Variants in GATAD2B observed in about 807,000 individuals in gnomAD.
The protein encoded by GATAD2B is transcriptional repressor p66-beta.
Under a neutral mutation model 64.3 loss-of-function variants are expected in GATAD2B, and 8 were observed. The ratio of observed to expected loss-of-function variants is 0.12; its 90% CI spans 0.07 to 0.22. GATAD2B has a LOEUF of 0.22. Among genes scored for constraint, GATAD2B ranks in the 10% least tolerant of loss-of-function variants. GATAD2B has a pLI of 1.00. For synonymous variants in GATAD2B, 281 were observed against 271.3 expected (o/e 1.04, Z -0.35); for missense variants, 453 against 752.0 (o/e 0.60, Z 4.65).
At chr1:153,909,947 CAAAAAA>C (rs34780134) in intron 1 of GATAD2B, among the ~76,000 whole-genome samples, 3 of 101,108 alleles carry the variant, frequency 3.0e-5, no homozygotes, top group Non-Finnish European at 5.9e-5. Context: ...GACTCCATCT[CAAAAAA>C]AAAAAAAAAA....
At chr1:153,830,708 C>G (rs1280552528) in intron 1 of GATAD2B, among the ~76,000 whole-genome samples, 1 of 151,482 alleles carries the variant, frequency 6.6e-6, no homozygotes, top group African/African-American at 2.4e-5. Flanking sequence ...ATCTCCTGAC[C>G]TCGTGATCCG....
intron 1 of GATAD2B, among the ~76,000 whole-genome samples, chr1:153,835,711 CTTTTA>C (rs1675237818): frequency 6.6e-6 from 1 of 151,946 alleles, no homozygotes; most frequent in African/African-American, 2.4e-5. Context: ...GTAAACATAA[CTTTTA>C]TTTTATTATT....
At chr1:153,897,057 G>A (rs1022198293) in intron 1 of GATAD2B, among the ~76,000 whole-genome samples, 1 of 149,716 alleles carries the variant, frequency 6.7e-6, no homozygotes, top group Non-Finnish European at 1.5e-5. Context: ...TTGAGATGGA[G>A]TGTTGCTGTC....
intron 1 of GATAD2B, among the ~76,000 whole-genome samples, chr1:153,915,217 G>C (rs1244533065): frequency 6.6e-6 from 1 of 152,128 alleles, no homozygotes; most frequent in Non-Finnish European, 1.5e-5. Context: ...ACAAGGTCAA[G>C]AGATCAAGAC....
chr1:153,885,030 T>C (rs1023594527), intron 1 of GATAD2B, among the ~76,000 whole-genome samples: 1 of 152,134 alleles, frequency 6.6e-6, no homozygotes, highest in African/African-American at 2.4e-5. Flanking sequence ...GTGCTGAGAT[T>C]ACAGGTGTGA....
At chr1:153,891,574 T>TAA (rs1163572311) in intron 1 of GATAD2B, among the ~76,000 whole-genome samples, 1,719 of 19,926 alleles carry the variant, frequency 0.086, 200 homozygotes, top group East Asian at 0.23. Context: ...CTGTCTCGTT[T>TAA]AAAAAAAAAA....
At chr1:153,889,738 G>C (rs1677310807) in intron 1 of GATAD2B, 5 of 413,412 alleles carry the variant, frequency 1.2e-5, no homozygotes, top group Non-Finnish European at 1.6e-5. Flanking sequence ...GTAAAGAATA[G>C]CAAAATGTTA....
At chr1:153,913,956 T>C (rs1208686903) in intron 1 of GATAD2B, among the ~76,000 whole-genome samples, 12 of 148,416 alleles carry the variant, frequency 8.1e-5, no homozygotes, top group Middle Eastern at 3.2e-3. Flanking sequence ...AGTCAAGAGT[T>C]ACAAGGGGCC....
At chr1:153,854,030 C>T (rs1675997547) in intron 1 of GATAD2B, among the ~76,000 whole-genome samples, 1 of 152,092 alleles carries the variant, frequency 6.6e-6, no homozygotes, top group Non-Finnish European at 1.5e-5. Flanking sequence ...GAGTATGAAC[C>T]TTCAAGGCTC....
chr1:153,902,644 T>TG (rs952283392), intron 1 of GATAD2B, among the ~76,000 whole-genome samples: 1 of 151,982 alleles, frequency 6.6e-6, no homozygotes, highest in African/African-American at 2.4e-5. Context: ...TTTTTGTAAA[T>TG]GGGGTCTCAC....
Position 153,818,689 on chromosome 1 carries a change from A to G in GATAD2B, c.597+102T>C, listed in dbSNP as rs557118754. 2,157 of 1,024,180 alleles carry G rather than the reference A, an allele frequency of 2.1e-3. 43 individuals are homozygous for G. The African/African-American group carries it at 0.031, about 15-fold the overall frequency. 63.4% of individuals were successfully genotyped at this position (1,024,180 alleles called of 1,614,324 possible). A position where few individuals can be genotyped will look rare whatever the true frequency, so the allele number is the denominator to read the frequency against. On this transcript the variant is annotated intron_variant, in intron 4 of 10. Transcript: ENST00000368655. ...CTACAGACTAAAAAACTACGGACCCAGAGAAGAAATGAGCCACCCAACTGA... is the reference window on the plus strand; with the variant it reads ...CTACAGACTAAAAAACTACGGACCCGGAGAAGAAATGAGCCACCCAACTGA...
At chr1:153,899,229 G>A (rs1245224096) in intron 1 of GATAD2B, among the ~76,000 whole-genome samples, 1 of 152,140 alleles carries the variant, frequency 6.6e-6, no homozygotes, top group South Asian at 2.1e-4. Context: ...CTGCATTCCA[G>A]CCTGGGCAAC....
intron 4 of GATAD2B, 134 bp downstream of exon 4, chr1:153,818,657 A>C (rs902792899): frequency 1.5e-5 from 11 of 713,210 alleles, no homozygotes; most frequent in Middle Eastern, 2.6e-4. Flanking sequence ...AAAAAAAATC[A>C]CTACTACTAC....
chr1:153,830,758 A>G (rs986010689), intron 1 of GATAD2B, among the ~76,000 whole-genome samples: 143 of 152,080 alleles, frequency 9.4e-4, no homozygotes, highest in Non-Finnish European at 1.0e-3. Context: ...TACAGGCGTG[A>G]GCCACCGCGC....
intron 1 of GATAD2B, among the ~76,000 whole-genome samples, chr1:153,870,899 A>G (rs1557814756): frequency 2.0e-5 from 3 of 152,120 alleles, no homozygotes; most frequent in African/African-American, 7.2e-5. Flanking sequence ...TTTCATACTG[A>G]TACTAGAGAG....
At chr1:153,840,319 G>A (rs1174885225) in intron 1 of GATAD2B, among the ~76,000 whole-genome samples, 1 of 149,732 alleles carries the variant, frequency 6.7e-6, no homozygotes, top group African/African-American at 2.5e-5. Flanking sequence ...ACAGGCATGA[G>A]CCACTGCGCC....
chr1:153,827,198 G>A (rs1482058770), intron 2 of GATAD2B, among the ~76,000 whole-genome samples: 2 of 149,090 alleles, frequency 1.3e-5, no homozygotes, highest in Non-Finnish European at 3.0e-5. Context: ...CAGGGTATCA[G>A]GCCACTCACT....
intron 1 of GATAD2B, among the ~76,000 whole-genome samples, chr1:153,861,781 C>CAA (rs869141712): frequency 0.086 from 7,377 of 85,540 alleles, 641 homozygotes; most frequent in Non-Finnish European, 0.12. Context: ...GACTCCATTT[C>CAA]AAAAAAAAAA....
chr1:153,811,312 G>C (rs1674285188), intron 10 of GATAD2B, among the ~76,000 whole-genome samples: 1 of 152,206 alleles, frequency 6.6e-6, no homozygotes, highest in Admixed American at 6.5e-5. Context: ...GTATGGGAGA[G>C]ACAAGTGAAA....
Sources: allele counts gnomAD v4.1 joint callset (sites outside exome capture counted in the v4.1 genomes callset), GRCh38; gene constraint gnomAD v4.1.1; transcripts MANE v1.5; gene names NCBI Gene and HGNC (gene_info 2026-07-23, HGNC 2026-07-21).